ADGRL2: variants seen among roughly 807,000 people sequenced by gnomAD.
ADGRL2 encodes adhesion G protein-coupled receptor L2, also known as calcium-independent alpha-latrotoxin receptor 2.
In ADGRL2, 44 loss-of-function variants were observed where a neutral mutation model predicts 157.4. That is an observed-to-expected ratio of 0.28 (90% CI 0.22 to 0.36). The LOEUF is 0.36. Ranked by LOEUF, ADGRL2 falls within the 10% of genes least tolerant of loss-of-function variation. The probability of loss-of-function intolerance (pLI) is 1.00; values close to 1 mark genes in which losing one functional copy is unlikely to be tolerated. For synonymous variants in ADGRL2, 585 were observed against 624.7 expected (o/e 0.94, Z 0.95); for missense variants, 1,510 against 1,768.9 (o/e 0.85, Z 2.63).
At chr1:81,446,303 G>T (rs575188222) in intron 2 of ADGRL2, among the ~76,000 whole-genome samples, 2 of 152,050 alleles carry the variant, frequency 1.3e-5, no homozygotes, top group South Asian at 2.1e-4. Context: ...ACATCAATTG[G>T]CATAGAGTTT....
chr1:81,802,631 G>T (rs1403530536), intron 1 of ADGRL2, among the ~76,000 whole-genome samples: 1 of 152,036 alleles, frequency 6.6e-6, no homozygotes, highest in Non-Finnish European at 1.5e-5. Flanking sequence ...TGGGGGCCTG[G>T]GGAGGAGGAG....
chr1:81,551,941 A>G (rs1193062883), intron 2 of ADGRL2, among the ~76,000 whole-genome samples: 1 of 152,184 alleles, frequency 6.6e-6, no homozygotes, highest in Non-Finnish European at 1.5e-5. Context: ...TGCTTGTGAG[A>G]TATTACAATG....
intron 19 of ADGRL2, among the ~76,000 whole-genome samples, chr1:81,983,219 T>TA (rs1183124614): frequency 2.6e-5 from 4 of 151,950 alleles, no homozygotes; most frequent in African/African-American, 9.7e-5. Flanking sequence ...ATTTAACAAT[T>TA]ACATTTTAAA....
At chr1:81,873,473 C>T (rs1179499617) in intron 2 of ADGRL2, among the ~76,000 whole-genome samples, 1 of 151,884 alleles carries the variant, frequency 6.6e-6, no homozygotes, top group Non-Finnish European at 1.5e-5. Flanking sequence ...GTAAAAAAAC[C>T]ATTTTACTTG....
chr1:81,725,654 A>G (rs1465106217), intron 1 of ADGRL2, among the ~76,000 whole-genome samples: 25 of 152,212 alleles, frequency 1.6e-4, no homozygotes, highest in Admixed American at 1.6e-3. Flanking sequence ...ACTCAGGAAC[A>G]GTTTCTTCTG....
chr1:81,855,036 G>A (rs1231866687), intron 2 of ADGRL2, among the ~76,000 whole-genome samples: 1 of 152,132 alleles, frequency 6.6e-6, no homozygotes, highest in Non-Finnish European at 1.5e-5. Context: ...ACTATTGAAA[G>A]CGTTGAGAAT....
At chr1:81,478,352 G>A (rs2078315977) in intron 2 of ADGRL2, among the ~76,000 whole-genome samples, 1 of 152,218 alleles carries the variant, frequency 6.6e-6, no homozygotes, top group Admixed American at 6.5e-5. Flanking sequence ...CCTACAATGA[G>A]ACTCTGTTCA....
chr1:81,328,454 A>G (rs1014224536), intron 1 of ADGRL2, among the ~76,000 whole-genome samples: 1 of 152,100 alleles, frequency 6.6e-6, no homozygotes, highest in South Asian at 2.1e-4. Context: ...GCCAACCCCC[A>G]TCCCTAAAAT....
At chr1:81,942,842 A>G (rs1648545863) in intron 5 of ADGRL2, 127 bp from the exon 6 acceptor site, 1 of 746,186 alleles carries the variant, frequency 1.3e-6, no homozygotes. Flanking sequence ...TGTATGAAGT[A>G]TACATTTTGG....
At chr1:81,767,942 G>T (rs559396174) in intron 2 of ADGRL2, among the ~76,000 whole-genome samples, 1 of 150,840 alleles carries the variant, frequency 6.6e-6, no homozygotes. Flanking sequence ...CACAACTATT[G>T]TACACAGTAA....
At chr1:81,781,706 G>T (rs2086820763) in intron 2 of ADGRL2, among the ~76,000 whole-genome samples, 1 of 152,182 alleles carries the variant, frequency 6.6e-6, no homozygotes, top group Non-Finnish European at 1.5e-5. Flanking sequence ...ATGGGTATCA[G>T]AAGCAGGTGC....
At chr1:81,781,141 C>G (rs931588545) in intron 2 of ADGRL2, among the ~76,000 whole-genome samples, 3 of 152,012 alleles carry the variant, frequency 2.0e-5, no homozygotes, top group Non-Finnish European at 2.9e-5. Flanking sequence ...ATTTATTTAT[C>G]TTTGTATTCC....
chr1:81,966,587 T>G lies in ADGRL2; in HGVS notation c.2327T>G (p.Leu776Arg), dbSNP rs949238240. 2 of 1,613,800 alleles carry G rather than the reference T, an allele frequency of 1.2e-6. No homozygotes were observed. Among genetic ancestry groups the G allele is most frequent in the African/African-American group, 2.7e-5 (2 of 74,902 alleles). ...CGAGTATACCTGACTGATCCTGTGC[T>G]TTTTACCCTGCCACACATTGATGTA... is the stretch of plus-strand genomic sequence containing the variant. ...SSRVYLTDPV[L>R]FTLPHIDPDN... The change falls in exon 13 of 24, where the codon CTT (leucine) becomes CGT (arginine). Residue 776 changes from leucine to arginine, a missense_variant. Physicochemically the swap from Leu to Arg is moderately radical, Grantham distance 102. This residue lies in a region of ADGRL2 where 497 missense variants were observed against 627.2 expected (regional missense o/e 0.79). Coordinates refer to ENST00000686636, the MANE Select transcript of ADGRL2 (RefSeq NM_001366006.2).
chr1:81,866,642 TAA>T (rs2093552271), intron 2 of ADGRL2, among the ~76,000 whole-genome samples: 1 of 152,142 alleles, frequency 6.6e-6, no homozygotes, highest in African/African-American at 2.4e-5. Flanking sequence ...TTTAAAGAAA[TAA>T]GTTATATATA....
At chr1:81,881,171 T>A (rs1327859219) in intron 2 of ADGRL2, among the ~76,000 whole-genome samples, 1 of 152,136 alleles carries the variant, frequency 6.6e-6, no homozygotes, top group East Asian at 1.9e-4. Flanking sequence ...CACTGAGTAC[T>A]TCAAATATTT....
At chr1:81,969,616 A>G (rs1658136958) in intron 15 of ADGRL2, among the ~76,000 whole-genome samples, 1 of 151,878 alleles carries the variant, frequency 6.6e-6, no homozygotes, top group Non-Finnish European at 1.5e-5. Context: ...CTGTGTTTTT[A>G]TTAAGACATA....
chr1:81,940,476 C>A (rs1004932272), intron 4 of ADGRL2, among the ~76,000 whole-genome samples: 2 of 151,548 alleles, frequency 1.3e-5, no homozygotes, highest in Admixed American at 1.3e-4. Context: ...CAGAATAACA[C>A]ATTATAGAGC....
At chr1:81,426,944 A>T (rs2077228175) in intron 1 of ADGRL2, 1 of 724,800 alleles carries the variant, frequency 1.4e-6, no homozygotes, top group South Asian at 1.4e-5. Flanking sequence ...ACAGAGTGAA[A>T]AAAAGGAAGG....
At chr1:81,501,727 G>T in intron 2 of ADGRL2, 1 of 1,606,832 alleles carries the variant, frequency 6.2e-7, no homozygotes, top group East Asian at 2.2e-5. Flanking sequence ...GCTGTGCCCA[G>T]GTTCAGAGTC....
Sources: gnomAD v4.1 joint callset for allele counts (sites outside exome capture counted in the v4.1 genomes callset) on GRCh38, gnomAD v4.1.1 for gene constraint, gnomAD v4.1.1 regional missense constraint, MANE v1.5 for transcripts, NCBI Gene and HGNC (gene_info 2026-07-23, HGNC 2026-07-21) for gene names.